The following MAPKAP1 variants were observed in gnomAD, a reference collection of about 807,000 sequenced individuals.
MAPKAP1 encodes target of rapamycin complex 2 subunit MAPKAP1.
In MAPKAP1, 20 loss-of-function variants were observed where a neutral mutation model predicts 65.7. That is an observed-to-expected ratio of 0.30 (90% CI 0.21 to 0.44). The LOEUF (loss-of-function observed/expected upper bound fraction) is 0.44, where lower values mean the gene tolerates loss of function less well. Ranked by LOEUF, MAPKAP1 falls within the 20% of genes least tolerant of loss-of-function variation. MAPKAP1 has a pLI of 1.00. For missense variants in MAPKAP1, 423 were observed against 648.0 expected, an observed-to-expected ratio of 0.65 and a Z score of 3.77; for synonymous variants, 222 against 244.3, an observed-to-expected ratio of 0.91 and a Z score of 0.85.
chr9:125,652,214 A>T (rs1402817611), intron 4 of MAPKAP1: 3 of 1,315,222 alleles, frequency 2.3e-6, no homozygotes, highest in Non-Finnish European at 3.0e-6. Context: ...CAATGATTGT[A>T]GAAAACATTT....
chr9:125,700,595 A>G (rs1203095572), intron 1 of MAPKAP1, among the ~76,000 whole-genome samples: 1 of 152,166 alleles, frequency 6.6e-6, no homozygotes, highest in Non-Finnish European at 1.5e-5. Context: ...CAATTACATA[A>G]AACTGTATTC....
intron 1 of MAPKAP1, among the ~76,000 whole-genome samples, chr9:125,684,620 C>A (rs1444960898): frequency 6.6e-6 from 1 of 152,100 alleles, no homozygotes; most frequent in Non-Finnish European, 1.5e-5. Flanking sequence ...TTTTAGTCTA[C>A]CCTAAGGAGC....
In MAPKAP1 at chr9:125,544,310, A is replaced by ATT. The variant is rs543672584; in HGVS notation, c.849-1144_849-1143dup. On this transcript the variant is annotated intron_variant, in intron 6 of 11. Transcript: ENST00000265960. ...GGCATAAGCCACCGCACCTGGCTGT[A>ATT]TTTTTTTTTTTAAATACAGTCTATA... Among the ~76,000 whole-genome samples, 10 of 148,666 alleles carry ATT rather than the reference A, an allele frequency of 6.7e-5. No individual in the cohort carries two copies. In the East Asian group the frequency reaches 1.8e-3, roughly 26 times the overall value.
chr9:125,669,413 G>C (rs1214420984), intron 3 of MAPKAP1, among the ~76,000 whole-genome samples: 1 of 152,196 alleles, frequency 6.6e-6, no homozygotes, highest in Non-Finnish European at 1.5e-5. Flanking sequence ...CGGGGAGGCA[G>C]AGGCTGCAGT....
chr9:125,460,384 C>A (rs2132972106), intron 10 of MAPKAP1, among the ~76,000 whole-genome samples: 1 of 152,092 alleles, frequency 6.6e-6, no homozygotes, highest in Middle Eastern at 3.4e-3. Flanking sequence ...CACAAATTTT[C>A]TTTCTTGTTT....
At chr9:125,653,283 A>C (rs1349194961) in intron 4 of MAPKAP1, among the ~76,000 whole-genome samples, 1 of 152,262 alleles carries the variant, frequency 6.6e-6, no homozygotes, top group Non-Finnish European at 1.5e-5. Flanking sequence ...TTTACATGAC[A>C]TAGAGCCTTC....
chr9:125,595,590 T>C lies in MAPKAP1; in HGVS notation c.499-9863A>G. On this transcript the variant is annotated intron_variant, in intron 4 of 11. Coordinates refer to ENST00000265960, the MANE Select transcript of MAPKAP1 (RefSeq NM_001006617.3). This position sits in a 1 kb window ranked among gnomAD's most constrained non-coding sequence, Gnocchi z 4.0. ...AATAATCTTGAATTAAGAAATATCA[T>C]GCTATGTTTGTCAGCTTACTCCTTT... The C allele has an allele frequency of 7.7e-7, 1 of 1,301,794 alleles. No individual in the cohort carries two copies. Among genetic ancestry groups the C allele is most frequent in the Non-Finnish European group, 9.8e-7 (1 of 1,020,308 alleles). The allele number at this position is 1,301,794 out of a possible 1,614,324, so 80.6% of individuals were successfully genotyped here.
At chr9:125,603,674 A>G (rs3814129) in intron 4 of MAPKAP1, among the ~76,000 whole-genome samples, 49,953 of 152,050 alleles carry the variant, frequency 0.33, 8,587 homozygotes, top group Non-Finnish European at 0.37. Context: ...GGGAGAGTCA[A>G]GATTTTATCT....
At chr9:125,592,411 T>C (rs1831991571) in intron 4 of MAPKAP1, among the ~76,000 whole-genome samples, 2 of 152,238 alleles carry the variant, frequency 1.3e-5, no homozygotes. Context: ...AATTTTCTGG[T>C]TTATAGTTTT....
chr9:125,499,866 A>C (rs1318416733), intron 8 of MAPKAP1, among the ~76,000 whole-genome samples: 3 of 152,120 alleles, frequency 2.0e-5, no homozygotes, highest in Admixed American at 2.0e-4. Flanking sequence ...GTGTGCCCGT[A>C]ATCATGGCTA....
chr9:125,553,542 A>C, intron 6 of MAPKAP1, among the ~76,000 whole-genome samples: 1 of 151,908 alleles, frequency 6.6e-6, no homozygotes, highest in East Asian at 1.9e-4. Flanking sequence ...AACTCTACCC[A>C]AAAAAATGGG....
chr9:125,601,235 C>A (rs1234741599), intron 4 of MAPKAP1, among the ~76,000 whole-genome samples: 2 of 151,972 alleles, frequency 1.3e-5, no homozygotes, highest in Non-Finnish European at 2.9e-5. Context: ...TCCAACTACC[C>A]CGAGGACAAT....
In MAPKAP1 at chr9:125,630,773, TC is replaced by T. The variant is rs1833257374; in HGVS notation, c.498+26877del. 2.0e-5 allele frequency among the ~76,000 whole-genome samples: 3 copies of T among 152,258 alleles called. No homozygotes were observed. The East Asian group carries it at 5.8e-4, about 29-fold the overall frequency. On this transcript the variant is annotated intron_variant, in intron 4 of 11. Coordinates refer to ENST00000265960, the MANE Select transcript of MAPKAP1 (RefSeq NM_001006617.3). ...GAGGTGTTTGGATCATGGAGGCAGA[TC>T]CCTCATGAATAAATTAATACCTTCC...
At chr9:125,583,879 C>T (rs12341778) in intron 5 of MAPKAP1, among the ~76,000 whole-genome samples, 42,016 of 151,974 alleles carry the variant, frequency 0.28, 6,649 homozygotes, top group Non-Finnish European at 0.36. Context: ...CTGGTTAACA[C>T]GGTGAAACCC....
intron 10 of MAPKAP1, among the ~76,000 whole-genome samples, chr9:125,459,178 G>C (rs1853347433): frequency 1.3e-5 from 2 of 148,332 alleles, no homozygotes; most frequent in African/African-American, 5.0e-5. Context: ...TCCCAGACGG[G>C]GCGGCGGGGC....
chr9:125,464,204 TAAAA>T lies in MAPKAP1; in HGVS notation c.1345+3764_1345+3767del, dbSNP rs57497941. 6.3e-3 allele frequency among the ~76,000 whole-genome samples: 527 copies of T among 83,328 alleles called. 3 individuals are homozygous for T. Among genetic ancestry groups the T allele is most frequent in the African/African-American group, 0.021 (488 of 23,562 alleles). The allele number at this position is 83,328 out of a possible 152,430, so 54.7% of individuals were successfully genotyped here. On this transcript the variant is annotated intron_variant, in intron 10 of 11. Coordinates refer to ENST00000265960, the MANE Select transcript of MAPKAP1 (RefSeq NM_001006617.3). ...CACAGTGAGACCCTGTCTCATATATTAAAAAAAAAAAAAAAAAAAAAAAAAAAAA... is the reference window on the plus strand; with the variant it reads ...CACAGTGAGACCCTGTCTCATATATTAAAAAAAAAAAAAAAAAAAAAAAAA...
intron 9 of MAPKAP1, among the ~76,000 whole-genome samples, chr9:125,477,916 T>C (rs1384975781): frequency 1.3e-5 from 2 of 152,216 alleles, no homozygotes; most frequent in African/African-American, 4.8e-5. Flanking sequence ...AAGCTACACT[T>C]GAAGGACATC....
chr9:125,595,644 G>A lies in MAPKAP1; in HGVS notation c.499-9917C>T. ...CCTGTGGACACGCCAAGGAAGCATC[G>A]TTAAAGTCTCTCTTCTCCCTGCCGT... On this transcript the variant is annotated intron_variant, in intron 4 of 11. Transcript: ENST00000265960. The surrounding 1 kb of genome is among the most constrained non-coding windows in gnomAD (Gnocchi z 4.0). The A allele has an allele frequency of 4.1e-6, 6 of 1,467,690 alleles. No individual in the cohort carries two copies. The highest frequency in any genetic ancestry group is 4.5e-6 in the Non-Finnish European group (5 of 1,113,704). 90.9% of individuals were successfully genotyped at this position (1,467,690 alleles called of 1,614,324 possible).
Position 125,585,630 on chromosome 9 carries a change from G to A in MAPKAP1, c.596C>T (p.Ala199Val). The change falls in exon 5 of 12, where the codon GCC becomes GTC. Residue 199 changes from alanine (A) to valine (V), a missense_variant. Transcript: ENST00000265960. ...GATCAGGTCCTGCACCCTGGCGCTG[G>A]CCATTGTCACCACGGTCATTGGCAG... ...RLLPMTVVTM[A>V]SARVQDLIGL... is the part of the protein sequence containing the mutation. The A allele has an allele frequency of 6.2e-7, 1 of 1,614,254 alleles. No individual in the cohort carries two copies. Among genetic ancestry groups the A allele is most frequent in the Non-Finnish European group, 8.5e-7 (1 of 1,180,046 alleles).
Sources: gnomAD v4.1 joint callset for allele counts (sites outside exome capture counted in the v4.1 genomes callset) on GRCh38, gnomAD v4.1.1 for gene constraint, Gnocchi (gnomAD v3.1) non-coding constraint, MANE v1.5 for transcripts, NCBI Gene and HGNC (gene_info 2026-07-23, HGNC 2026-07-21) for gene names.